NCK1: variants seen among roughly 807,000 people sequenced by gnomAD.
NCK1 encodes NCK adaptor protein 1.
A neutral mutation model predicts 36.6 loss-of-function variants in NCK1; 19 were observed. The observed-to-expected ratio is 0.52, with a 90% CI of 0.36 to 0.76. NCK1 has a LOEUF of 0.76. NCK1 is among the 30% of genes least tolerant of loss of function. The pLI is 0.00. For synonymous variants in NCK1, 165 were observed against 156.0 expected (o/e 1.06, Z -0.43); for missense variants, 358 against 445.6 (o/e 0.80, Z 1.77).
intron 1 of NCK1, among the ~76,000 whole-genome samples, chr3:136,909,299 C>G (rs1939773710): frequency 6.6e-6 from 1 of 152,100 alleles, no homozygotes; most frequent in African/African-American, 2.4e-5. Flanking sequence ...TGAATTGGGT[C>G]TTAAAAATAC....
chr3:136,910,047 T>C (rs1939796013), intron 1 of NCK1, among the ~76,000 whole-genome samples: 1 of 152,218 alleles, frequency 6.6e-6, no homozygotes, highest in African/African-American at 2.4e-5. Flanking sequence ...GTCTTTTGAT[T>C]GGAGAGTTTA....
chr3:136,868,743 C>G (rs1938520607), intron 1 of NCK1, among the ~76,000 whole-genome samples: 1 of 152,122 alleles, frequency 6.6e-6, no homozygotes, highest in African/African-American at 2.4e-5. Flanking sequence ...TCTTTGGAGG[C>G]CTTGAATGTG....
chr3:136,873,990 A>G (rs58850362), intron 1 of NCK1, among the ~76,000 whole-genome samples: 2,776 of 152,276 alleles, frequency 0.018, 93 homozygotes, highest in African/African-American at 0.063. Context: ...GTGGATGGCT[A>G]CTTTTGCTTA....
chr3:136,930,607 GT>G, intron 2 of NCK1: 1 of 1,447,920 alleles, frequency 6.9e-7, no homozygotes, highest in Non-Finnish European at 9.1e-7. Flanking sequence ...AAGTTAATCT[GT>G]TTATTAAATC....
At chr3:136,912,764 C>G (rs1380564132) in intron 1 of NCK1, among the ~76,000 whole-genome samples, 1 of 151,666 alleles carries the variant, frequency 6.6e-6, no homozygotes, top group Non-Finnish European at 1.5e-5. Context: ...CAAGCAGTCC[C>G]CCTGCTTCAG....
intron 1 of NCK1, among the ~76,000 whole-genome samples, chr3:136,871,794 C>T (rs1031744573): frequency 6.6e-6 from 1 of 152,144 alleles, no homozygotes; most frequent in African/African-American, 2.4e-5. Context: ...TCGTGCTGTT[C>T]TTGTGATAGT....
intron 1 of NCK1, among the ~76,000 whole-genome samples, chr3:136,880,370 C>A (rs9843733): frequency 1.3e-5 from 2 of 151,972 alleles, no homozygotes; most frequent in East Asian, 3.9e-4. Flanking sequence ...AGGGTGGACC[C>A]TAATCCACCA....
chr3:136,869,103 G>A (rs559301433), intron 1 of NCK1, among the ~76,000 whole-genome samples: 1 of 152,036 alleles, frequency 6.6e-6, no homozygotes, highest in South Asian at 2.1e-4. Flanking sequence ...AGCCCACTGT[G>A]GTGGTGCATG....
intron 3 of NCK1, among the ~76,000 whole-genome samples, chr3:136,947,844 T>C (rs1187985425): frequency 1.3e-5 from 2 of 152,170 alleles, no homozygotes; most frequent in Non-Finnish European, 2.9e-5. Flanking sequence ...CAGCTACTGT[T>C]AGCTACACAT....
chr3:136,868,617 C>T (rs940402411), intron 1 of NCK1, among the ~76,000 whole-genome samples: 4 of 152,090 alleles, frequency 2.6e-5, no homozygotes, highest in East Asian at 3.9e-4. Context: ...GATGAGCCAC[C>T]GCACCTGGCC....
chr3:136,885,578 T>A (rs1488331256), intron 1 of NCK1, among the ~76,000 whole-genome samples: 1 of 152,212 alleles, frequency 6.6e-6, no homozygotes, highest in Non-Finnish European at 1.5e-5. Context: ...GTGCTGCAAT[T>A]ACAGGTGTGA....
At chr3:136,875,498 C>G (rs1295788837) in intron 1 of NCK1, among the ~76,000 whole-genome samples, 1 of 152,134 alleles carries the variant, frequency 6.6e-6, no homozygotes, top group Non-Finnish European at 1.5e-5. Flanking sequence ...GCAGGGATTG[C>G]AATCCTAGTC....
In NCK1 at chr3:136,864,161, C is replaced by G. The variant is rs556046393; in HGVS notation, c.-19+1808C>G. On this transcript the variant is annotated intron_variant, in intron 1 of 3. Coordinates refer to ENST00000481752, the MANE Select transcript of NCK1 (RefSeq NM_001291999.2). The stretch of plus-strand genomic sequence containing the variant: ...GCATTATCCTTTGTCCAGGTTTCTG[C>G]AGTGCTTTCAGGTCCATCTAAATAA... Among the ~76,000 whole-genome samples the G allele has an allele frequency of 2.0e-5, 3 of 152,040 alleles. No individual in the cohort carries two copies. In the South Asian group the frequency reaches 6.2e-4, roughly 32 times the overall value.
rs1940945539 is a variant in NCK1, at chr3:136,950,518, T to C, written c.*2065T>C. On this transcript the variant is annotated 3_prime_UTR_variant, in exon 4 of 4. Coordinates refer to ENST00000481752, the MANE Select transcript of NCK1 (RefSeq NM_001291999.2). ...TAAAAACCTCGCTGGAAGCTACTTA[T>C]TTTGTACTTAAATATTTTACCAATT... Among the ~76,000 whole-genome samples, 1 of 152,198 alleles carries C rather than the reference T, an allele frequency of 6.6e-6. No homozygotes were observed. Among genetic ancestry groups the C allele is most frequent in the Admixed American group, 6.5e-5 (1 of 15,278 alleles).
At chr3:136,871,475 A>G (rs1363097164) in intron 1 of NCK1, among the ~76,000 whole-genome samples, 2 of 152,222 alleles carry the variant, frequency 1.3e-5, no homozygotes, top group Non-Finnish European at 2.9e-5. Flanking sequence ...TTAAATGTAT[A>G]GAATGTTTAT....
At chr3:136,899,775 T>TAAA in intron 1 of NCK1, 1 of 1,369,730 alleles carries the variant, frequency 7.3e-7, no homozygotes, top group South Asian at 1.2e-5. Context: ...TTGAGACTTC[T>TAAA]GCACATTAGT....
chr3:136,907,169 G>A (rs1287457313), intron 1 of NCK1, among the ~76,000 whole-genome samples: 1 of 152,164 alleles, frequency 6.6e-6, no homozygotes, highest in South Asian at 2.1e-4. Context: ...ATTGCAGGCA[G>A]TGGAATTTTT....
In NCK1 at chr3:136,950,230, G is replaced by C. The variant is rs1365711565; in HGVS notation, c.*1777G>C. 1.3e-5 allele frequency among the ~76,000 whole-genome samples: 2 copies of C among 151,948 alleles called. No individual in the cohort carries two copies. Among genetic ancestry groups the C allele is most frequent in the Admixed American group, 1.3e-4 (2 of 15,254 alleles). On this transcript the variant is annotated 3_prime_UTR_variant, in exon 4 of 4. Transcript: ENST00000481752. ...GCTTTCCTTTTCTCTGTATGTTTCTGGGTTTTCCCCCAGTCTTCCTTATGA... is the reference window on the plus strand; with the variant it reads ...GCTTTCCTTTTCTCTGTATGTTTCTCGGTTTTCCCCCAGTCTTCCTTATGA...
chr3:136,941,493 TTAG>T (rs1337435560), intron 2 of NCK1, among the ~76,000 whole-genome samples: 1 of 152,168 alleles, frequency 6.6e-6, no homozygotes, highest in Non-Finnish European at 1.5e-5. Context: ...TTGTTTTTCC[TTAG>T]TGGTTACCCT....
Sources: gnomAD v4.1 joint callset for allele counts (sites outside exome capture counted in the v4.1 genomes callset) on GRCh38, gnomAD v4.1.1 for gene constraint, MANE v1.5 for transcripts, NCBI Gene and HGNC (gene_info 2026-07-23, HGNC 2026-07-21) for gene names.